Variants in SMG6 observed in about 807,000 individuals in gnomAD.
SMG6 encodes the protein telomerase-binding protein EST1A.
In SMG6, 66 loss-of-function variants were observed where a neutral mutation model predicts 142.2. The ratio of observed to expected loss-of-function variants is 0.46; its 90% confidence interval spans 0.38 to 0.57. SMG6 has a LOEUF of 0.57. Among genes scored for constraint, SMG6 ranks in the 20% least tolerant of loss-of-function variants. The pLI is 0.00. For missense variants in SMG6, 1,793 were observed against 1,832.0 expected, an observed-to-expected ratio of 0.98 and a Z score of 0.39; for synonymous variants, 779 against 702.4, an observed-to-expected ratio of 1.11 and a Z score of -1.72.
intron 1 of SMG6, among the ~76,000 whole-genome samples, chr17:2,302,197 G>A (rs533102274): frequency 6.6e-6 from 1 of 152,050 alleles, no homozygotes; most frequent in Admixed American, 6.6e-5. Flanking sequence ...AGGCTACAGT[G>A]AGCTGAGATC....
rs1447612814 is a variant in SMG6, at chr17:2,167,435, G to T, written c.3357+5223C>A. ...GGACAGCAGAAATTACTGAAGAAAAGAATAGAACAAAGAGAGTATTTGCAC... is the reference window on the plus strand; with the variant it reads ...GGACAGCAGAAATTACTGAAGAAAATAATAGAACAAAGAGAGTATTTGCAC... On this transcript the variant is annotated intron_variant, in intron 13 of 18. Coordinates refer to ENST00000263073, the MANE Select transcript of SMG6 (RefSeq NM_017575.5). Among the ~76,000 whole-genome samples the T allele has an allele frequency of 2.0e-5, 3 of 152,168 alleles. No individual in the cohort carries two copies. The East Asian group carries it at 5.8e-4, about 29-fold the overall frequency.
chr17:2,103,057 T>C (rs1490446875), intron 13 of SMG6, among the ~76,000 whole-genome samples: 2 of 152,250 alleles, frequency 1.3e-5, no homozygotes, highest in Non-Finnish European at 2.9e-5. Context: ...CTCAGACTAA[T>C]TCCATAACTT....
rs544535600 is a variant in SMG6 at position 2,292,944 on chromosome 17, T to G, written c.2185A>C (p.Met729Leu). Reference protein sequence around the residue: ...KYALISAQRCMICQGDIARYR... With the variant: ...KYALISAQRCLICQGDIARYR... ...CTAGCAATATCTCCTTGGCATATCATGCATCGCTGGGCACTGATCAAGGCA... is the reference window on the plus strand; with the variant it reads ...CTAGCAATATCTCCTTGGCATATCAGGCATCGCTGGGCACTGATCAAGGCA... Residue 729 changes from methionine (M) to leucine (L), a missense_variant, in exon 5 of 19, where the codon ATG becomes CTG. Physicochemically the swap from Met to Leu is conservative, Grantham distance 15. Around this residue, in one of 3 missense-constraint regions of SMG6, gnomAD observed 1,597 missense variants for 1,584.6 expected, o/e 1.01. Coordinates refer to ENST00000263073, the MANE Select transcript of SMG6 (RefSeq NM_017575.5). 36 of 1,614,024 alleles carry G rather than the reference T, an allele frequency of 2.2e-5. No individual in the cohort carries two copies. Among genetic ancestry groups the G allele is most frequent in the Non-Finnish European group, 3.0e-5 (35 of 1,179,996 alleles).
At chr17:2,130,897 A>G (rs1451332721) in intron 13 of SMG6, among the ~76,000 whole-genome samples, 1 of 152,058 alleles carries the variant, frequency 6.6e-6, no homozygotes, top group Non-Finnish European at 1.5e-5. Context: ...CCAGCTACTC[A>G]GGAGGCTGAG....
At chr17:2,137,619 C>G (rs941904939) in intron 13 of SMG6, among the ~76,000 whole-genome samples, 2 of 151,910 alleles carry the variant, frequency 1.3e-5, no homozygotes, top group African/African-American at 4.8e-5. Context: ...GTGTGGCTGA[C>G]CCTGATTAAG....
At chr17:2,277,119 T>C (rs993575250) in intron 8 of SMG6, among the ~76,000 whole-genome samples, 1 of 151,580 alleles carries the variant, frequency 6.6e-6, no homozygotes, top group South Asian at 2.1e-4. Flanking sequence ...CTATGTTTAA[T>C]GTAGTATTTA....
At chr17:2,075,269 C>T (rs1009338785) in intron 15 of SMG6, among the ~76,000 whole-genome samples, 1 of 128,494 alleles carries the variant, frequency 7.8e-6, no homozygotes, top group African/African-American at 3.0e-5. Context: ...GAGTGGAACT[C>T]CTGGGGCCAC....
chr17:2,211,087 G>A (rs1262996017), intron 10 of SMG6, among the ~76,000 whole-genome samples: 7 of 131,468 alleles, frequency 5.3e-5, no homozygotes, highest in African/African-American at 1.8e-4. Flanking sequence ...CTTCCTGGAG[G>A]AGCTGGATTT....
intron 15 of SMG6, among the ~76,000 whole-genome samples, chr17:2,079,801 G>A (rs1233154696): frequency 6.6e-6 from 1 of 152,110 alleles, no homozygotes; most frequent in South Asian, 2.1e-4. Flanking sequence ...GAGGCTGGGC[G>A]CAGTGGCTCA....
chr17:2,188,335 T>G, intron 11 of SMG6, 64 bp downstream of exon 11: 2 of 1,321,506 alleles, frequency 1.5e-6, no homozygotes. Flanking sequence ...AGCATGGCAC[T>G]GTGAGGTCTG....
intron 10 of SMG6, among the ~76,000 whole-genome samples, chr17:2,198,700 A>C (rs1023155408): frequency 6.6e-6 from 1 of 152,222 alleles, no homozygotes; most frequent in African/African-American, 2.4e-5. Flanking sequence ...CAACAAAAAA[A>C]GTAAACCCAA....
chr17:2,222,420 G>T (rs933021464), intron 10 of SMG6, among the ~76,000 whole-genome samples: 4 of 151,718 alleles, frequency 2.6e-5, no homozygotes, highest in Non-Finnish European at 5.9e-5. Flanking sequence ...CAGCTAATGC[G>T]AAGGGCCAAA....
intron 10 of SMG6, among the ~76,000 whole-genome samples, chr17:2,217,927 T>C (rs1375576262): frequency 1.3e-5 from 2 of 151,722 alleles, no homozygotes; most frequent in African/African-American, 4.8e-5. Context: ...GGAGAATCGC[T>C]TGAACCCGGG....
chr17:2,119,602 C>T lies in SMG6; in HGVS notation c.3358-33701G>A, dbSNP rs373407677. ...GCAACCTCTGCCTCCTGGGTTCAAG[C>T]GATTCTTGTGCCTCAGCCTCCTGAG... On this transcript the variant is annotated intron_variant, in intron 13 of 18. Transcript: ENST00000263073. Among the ~76,000 whole-genome samples the T allele has an allele frequency of 1.9e-4, 29 of 152,180 alleles. No individual in the cohort carries two copies. The East Asian group carries it at 4.6e-3, about 24-fold the overall frequency.
intron 14 of SMG6, among the ~76,000 whole-genome samples, chr17:2,083,762 C>T (rs150460850): frequency 1.3e-5 from 2 of 152,286 alleles, no homozygotes; most frequent in Non-Finnish European, 2.9e-5. Flanking sequence ...AAGGTTATCA[C>T]GGGGCTTGAA....
In SMG6 at chr17:2,071,041, C is replaced by T. The variant is rs138444484; in HGVS notation, c.3682-2110G>A. Among the ~76,000 whole-genome samples, 3 of 152,294 alleles carry T rather than the reference C, an allele frequency of 2.0e-5. No homozygotes were observed. The highest frequency in any genetic ancestry group is 2.9e-5 in the Non-Finnish European group (2 of 68,024). Reference sequence around the variant, plus strand: ...GTTGCCAGGCATGCTCTCCTGGTACCGTGGCTCTCAAATCTGTCTTTCTGG... The same window carrying T: ...GTTGCCAGGCATGCTCTCCTGGTACTGTGGCTCTCAAATCTGTCTTTCTGG... On this transcript the variant is annotated intron_variant, in intron 15 of 18. Coordinates refer to ENST00000263073, the MANE Select transcript of SMG6 (RefSeq NM_017575.5). This position sits in a 1 kb window ranked among gnomAD's most constrained non-coding sequence, Gnocchi z 5.6.
At chr17:2,249,150 C>A (rs2073992700) in intron 8 of SMG6, among the ~76,000 whole-genome samples, 1 of 152,034 alleles carries the variant, frequency 6.6e-6, no homozygotes, top group African/African-American at 2.4e-5. Context: ...GCCTTGGCCT[C>A]CCAAAGTGCT....
intron 10 of SMG6, among the ~76,000 whole-genome samples, chr17:2,194,810 C>A (rs1026705686): frequency 1.4e-4 from 22 of 151,978 alleles, no homozygotes; most frequent in African/African-American, 5.3e-4. Context: ...AAGACTCTCA[C>A]GTGTATTCTC....
chr17:2,127,363 T>TAA (rs2069931990), intron 13 of SMG6: 3 of 578,310 alleles, frequency 5.2e-6, no homozygotes, highest in East Asian at 3.9e-5. Flanking sequence ...CACTGAGTTG[T>TAA]ACACTTAAGA....
Sources: gnomAD v4.1 joint callset for allele counts (sites outside exome capture counted in the v4.1 genomes callset) on GRCh38, gnomAD v4.1.1 for gene constraint, gnomAD v4.1.1 regional missense constraint, Gnocchi (gnomAD v3.1) non-coding constraint, MANE v1.5 for transcripts, NCBI Gene and HGNC (gene_info 2026-07-23, HGNC 2026-07-21) for gene names.